Variants in ADAM12 observed in about 807,000 individuals in gnomAD.
ADAM12 encodes disintegrin and metalloproteinase domain-containing protein 12.
In ADAM12, 70 loss-of-function variants were observed where a neutral mutation model predicts 106.4. That is an observed-to-expected ratio of 0.66 (90% CI 0.54 to 0.80). ADAM12 has a LOEUF of 0.80. Among genes scored for constraint, ADAM12 ranks in the 30% least tolerant of loss-of-function variants. ADAM12 has a pLI of 0.00. For synonymous variants in ADAM12, 420 were observed against 433.5 expected (o/e 0.97, Z 0.39); for missense variants, 1,010 against 1,171.9 (o/e 0.86, Z 2.02).
At position 126,088,547 on chromosome 10, in the gene ADAM12, CA is replaced by C. The variant is rs5788764; in HGVS notation, c.1145+5437del. Among the ~76,000 whole-genome samples, 532 of 144,982 alleles carry C rather than the reference CA, an allele frequency of 3.7e-3. 3 individuals are homozygous for C. The highest frequency in any genetic ancestry group is 0.012 in the African/African-American group (452 of 39,240). ...GAAACCCCATCTCTATTAAATATAC[CA>C]AAAAAAAAAAAATTAGCTGGGCATG... On this transcript the variant is annotated intron_variant, in intron 11 of 22. Coordinates refer to ENST00000448723, the MANE Select transcript of ADAM12 (RefSeq NM_001288973.2).
At chr10:126,291,400 A>C (rs979841404) in intron 2 of ADAM12, among the ~76,000 whole-genome samples, 1 of 152,236 alleles carries the variant, frequency 6.6e-6, no homozygotes, top group Non-Finnish European at 1.5e-5. Context: ...ACTGAGGCCG[A>C]ATGCAAACAA....
At chr10:126,229,684 C>T (rs997984638) in intron 3 of ADAM12, among the ~76,000 whole-genome samples, 4 of 140,100 alleles carry the variant, frequency 2.9e-5, no homozygotes, top group African/African-American at 1.1e-4. Context: ...CTTTATCTCT[C>T]CCGCCTCCTT....
chr10:126,102,952 G>A (rs1258261450), intron 8 of ADAM12, among the ~76,000 whole-genome samples: 1 of 152,194 alleles, frequency 6.6e-6, no homozygotes, highest in Admixed American at 6.5e-5. Context: ...ATCCAATGCT[G>A]ATGCTCACAC....
At chr10:126,308,008 C>A (rs1427291917) in intron 2 of ADAM12, among the ~76,000 whole-genome samples, 2 of 152,210 alleles carry the variant, frequency 1.3e-5, no homozygotes, top group African/African-American at 4.8e-5. Context: ...CACAGCCTTT[C>A]ATCTGTAGGA....
At chr10:126,128,987 C>G (rs1956258166) in intron 5 of ADAM12, among the ~76,000 whole-genome samples, 1 of 152,216 alleles carries the variant, frequency 6.6e-6, no homozygotes, top group Non-Finnish European at 1.5e-5. Flanking sequence ...GTGAGGACAC[C>G]TCGTGCTCAG....
intron 1 of ADAM12, among the ~76,000 whole-genome samples, chr10:126,381,697 T>G (rs1856499775): frequency 6.6e-6 from 1 of 151,928 alleles, no homozygotes. Flanking sequence ...AGATAGGATT[T>G]CAACATGTTG....
intron 3 of ADAM12, among the ~76,000 whole-genome samples, chr10:126,175,717 A>G (rs1590563102): frequency 2.0e-5 from 3 of 152,218 alleles, no homozygotes; most frequent in East Asian, 3.9e-4. Flanking sequence ...GTTGGGAAAG[A>G]GTCTGCTCGT....
At chr10:126,084,931 ATTG>A (rs1415139951) in intron 11 of ADAM12, among the ~76,000 whole-genome samples, 1 of 152,228 alleles carries the variant, frequency 6.6e-6, no homozygotes, top group Non-Finnish European at 1.5e-5. Context: ...AATGGAGACG[ATTG>A]TACCTGTTCT....
intron 20 of ADAM12, among the ~76,000 whole-genome samples, chr10:126,037,977 A>T (rs911592315): frequency 6.6e-6 from 1 of 152,054 alleles, no homozygotes; most frequent in Non-Finnish European, 1.5e-5. Context: ...GACTGAAGGG[A>T]TCACAGCTCA....
At chr10:126,187,741 G>T (rs1235044410) in intron 3 of ADAM12, among the ~76,000 whole-genome samples, 2 of 152,216 alleles carry the variant, frequency 1.3e-5, no homozygotes, top group Admixed American at 1.3e-4. Flanking sequence ...GGCACAGCAC[G>T]CTGGCCACAG....
intron 3 of ADAM12, among the ~76,000 whole-genome samples, chr10:126,169,616 A>C (rs765953198): frequency 6.6e-6 from 1 of 152,164 alleles, no homozygotes; most frequent in Non-Finnish European, 1.5e-5. Flanking sequence ...AAAACCACCA[A>C]CACCACCCAA....
chr10:126,354,034 C>CTT (rs34474316), intron 1 of ADAM12, among the ~76,000 whole-genome samples: 264 of 144,874 alleles, frequency 1.8e-3, no homozygotes, highest in East Asian at 7.8e-3. Context: ...TGTTAACAAG[C>CTT]TTTTTTTTTT....
At chr10:126,071,360 C>T in intron 12 of ADAM12, 117 bp downstream of exon 12, 3 of 1,305,818 alleles carry the variant, frequency 2.3e-6, no homozygotes, top group Non-Finnish European at 1.1e-6. Context: ...AGATAGGACT[C>T]TTCCTTCCTG....
intron 4 of ADAM12, among the ~76,000 whole-genome samples, chr10:126,136,606 G>A (rs1399673430): frequency 1.3e-5 from 2 of 152,162 alleles, no homozygotes; most frequent in South Asian, 2.1e-4. Flanking sequence ...TTTGTCCAGC[G>A]CAGAGCTTGG....
Position 126,053,139 on chromosome 10 carries a change from C to T in ADAM12, c.1610-3470G>A, listed in dbSNP as rs1455541796. The stretch of plus-strand genomic sequence containing the variant: ...TTCTCTCTCTTGCTCCTGCTCCGGC[C>T]GCGTGATGTGCCTGCTTCTCCTTCA... On this transcript the variant is annotated intron_variant, in intron 14 of 22. Coordinates refer to ENST00000448723, the MANE Select transcript of ADAM12 (RefSeq NM_001288973.2). This position sits in a 1 kb window ranked among gnomAD's most constrained non-coding sequence, Gnocchi z 4.6. Among the ~76,000 whole-genome samples the T allele has an allele frequency of 1.3e-5, 2 of 152,102 alleles. No homozygotes were observed. Among genetic ancestry groups the T allele is most frequent in the Non-Finnish European group, 2.9e-5 (2 of 68,026 alleles).
chr10:126,042,911 G>A, intron 18 of ADAM12, 129 bp downstream of exon 18: 2 of 814,602 alleles, frequency 2.5e-6, no homozygotes, highest in South Asian at 1.7e-5. Context: ...ACCCTAGGCT[G>A]TGTAGACCCA....
At chr10:126,305,446 G>A (rs548317852) in intron 2 of ADAM12, among the ~76,000 whole-genome samples, 14 of 152,128 alleles carry the variant, frequency 9.2e-5, no homozygotes, top group African/African-American at 3.1e-4. Flanking sequence ...CAGATTGGTC[G>A]TTACTTGAAG....
chr10:126,240,074 G>A lies in ADAM12; in HGVS notation c.260+38841C>T, dbSNP rs1298199731. Among the ~76,000 whole-genome samples, 19 of 152,152 alleles carry A rather than the reference G, an allele frequency of 1.2e-4. 1 individual carries two copies. The highest frequency in any genetic ancestry group is 1.0e-3 in the Admixed American group (16 of 15,280). ...CCCTCCTGGCTTGCTGTAGCATTGC[G>A]TCTACACTGCCCATTGGTGCACGCA... On this transcript the variant is annotated intron_variant, in intron 3 of 22. Transcript: ENST00000448723.
At chr10:126,029,019 C>G (rs1172500208) in intron 21 of ADAM12, among the ~76,000 whole-genome samples, 1 of 152,204 alleles carries the variant, frequency 6.6e-6, no homozygotes, top group East Asian at 1.9e-4. Context: ...CATCACTGAT[C>G]ATTAGAGAAA....
Sources: gnomAD v4.1 joint callset for allele counts (sites outside exome capture counted in the v4.1 genomes callset) on GRCh38, gnomAD v4.1.1 for gene constraint, Gnocchi (gnomAD v3.1) non-coding constraint, MANE v1.5 for transcripts, NCBI Gene and HGNC (gene_info 2026-07-23, HGNC 2026-07-21) for gene names.